The following MTUS2 variants were observed in gnomAD, a reference collection of about 807,000 sequenced individuals.
MTUS2 encodes microtubule-associated tumor suppressor candidate 2.
In MTUS2, 40 loss-of-function variants were observed where a neutral mutation model predicts 114.1. The observed-to-expected ratio is 0.35, with a 90% confidence interval of 0.27 to 0.46. The LOEUF is 0.46. MTUS2 is among the 20% of genes least tolerant of loss of function. The probability of loss-of-function intolerance (pLI) is 1.00; values close to 1 mark genes in which losing one functional copy is unlikely to be tolerated. For missense variants in MTUS2, 1,679 were observed against 1,705.4 expected (o/e 0.98, Z 0.27); for synonymous variants, 688 against 672.0 (o/e 1.02, Z -0.37).
chr13:29,113,944 G>T (rs1008712569), intron 5 of MTUS2, among the ~76,000 whole-genome samples: 2 of 152,094 alleles, frequency 1.3e-5, no homozygotes, highest in Non-Finnish European at 2.9e-5. Context: ...CCTTTGGTAT[G>T]TCCTTGTGAT....
intron 2 of MTUS2, among the ~76,000 whole-genome samples, chr13:28,889,505 AGG>A (rs1878790177): frequency 1.3e-5 from 2 of 152,186 alleles, no homozygotes; most frequent in Admixed American, 1.3e-4. Context: ...GTTGTGATGA[AGG>A]GGAAGTGTGC....
intron 2 of MTUS2, among the ~76,000 whole-genome samples, chr13:28,934,231 ATTAG>A (rs763308630): frequency 5.3e-5 from 8 of 152,216 alleles, no homozygotes; most frequent in Non-Finnish European, 8.8e-5. Flanking sequence ...GGAGATATTG[ATTAG>A]TTAAAGTTTA....
intron 5 of MTUS2, among the ~76,000 whole-genome samples, chr13:29,256,781 T>G (rs1325526915): frequency 6.6e-6 from 1 of 152,236 alleles, no homozygotes; most frequent in Non-Finnish European, 1.5e-5. Context: ...TGAACTTTCT[T>G]CATACCTCAT....
At chr13:28,962,860 C>G (rs752537924) in intron 2 of MTUS2, among the ~76,000 whole-genome samples, 2 of 152,158 alleles carry the variant, frequency 1.3e-5, no homozygotes, top group Admixed American at 1.3e-4. Context: ...CAGCCCTGAT[C>G]AGTGTCACTT....
intron 2 of MTUS2, among the ~76,000 whole-genome samples, chr13:29,003,734 C>A (rs983047260): frequency 6.6e-5 from 10 of 152,104 alleles, no homozygotes; most frequent in Non-Finnish European, 1.3e-4. Flanking sequence ...AAAGGAAGGC[C>A]ATGGATGATA....
chr13:28,859,150 G>A (rs954782298), intron 2 of MTUS2, among the ~76,000 whole-genome samples: 3 of 152,178 alleles, frequency 2.0e-5, no homozygotes, highest in African/African-American at 7.2e-5. Flanking sequence ...GGTGTTGCTA[G>A]CTGCATTTTA....
At chr13:29,286,975 A>ACTGCGCCTGGC (rs1898518388) in intron 6 of MTUS2, among the ~76,000 whole-genome samples, 1 of 152,196 alleles carries the variant, frequency 6.6e-6, no homozygotes, top group Non-Finnish European at 1.5e-5. Context: ...GGCATGAGCC[A>ACTGCGCCTGGC]CCAAGCCATG....
chr13:29,119,941 A>T (rs536357388), intron 5 of MTUS2, among the ~76,000 whole-genome samples: 153 of 152,360 alleles, frequency 1.0e-3, no homozygotes, highest in Non-Finnish European at 1.7e-3. Context: ...ACAAATCAGT[A>T]AAAAGAATAC....
intron 2 of MTUS2, among the ~76,000 whole-genome samples, chr13:28,911,107 C>A (rs535678400): frequency 3.0e-4 from 45 of 150,806 alleles, no homozygotes; most frequent in Non-Finnish European, 4.6e-4. Context: ...GATCTCCTGA[C>A]CCCGTGATCT....
At chr13:29,393,565 C>T (rs562951292) in intron 8 of MTUS2, among the ~76,000 whole-genome samples, 1 of 152,290 alleles carries the variant, frequency 6.6e-6, no homozygotes, top group African/African-American at 2.4e-5. Context: ...GCAGAAGCCA[C>T]ATGGGGAAAA....
intron 9 of MTUS2, among the ~76,000 whole-genome samples, chr13:29,475,730 C>T (rs192150190): frequency 3.9e-5 from 6 of 152,234 alleles, no homozygotes; most frequent in Admixed American, 3.9e-4. Context: ...CATGTTTGAA[C>T]AGCTTTACAG....
intron 1 of MTUS2, among the ~76,000 whole-genome samples, chr13:28,831,069 C>G (rs371835974): frequency 4.6e-5 from 7 of 151,964 alleles, no homozygotes; most frequent in Non-Finnish European, 7.4e-5. Context: ...AACACACATC[C>G]ACAGGAAGAA....
intron 1 of MTUS2, among the ~76,000 whole-genome samples, chr13:28,832,653 TATTAAA>T (rs1874774893): frequency 6.8e-6 from 1 of 148,070 alleles, no homozygotes; most frequent in African/African-American, 2.5e-5. Flanking sequence ...TATGACAATA[TATTAAA>T]ATTGTATATA....
intron 6 of MTUS2, among the ~76,000 whole-genome samples, chr13:29,286,639 G>T (rs1898491563): frequency 1.5e-5 from 2 of 131,770 alleles, no homozygotes; most frequent in Non-Finnish European, 3.3e-5. Context: ...TGAAAGCCAT[G>T]CACTATCTAT....
At chr13:29,494,254 A>G (rs1261354124) in intron 12 of MTUS2, among the ~76,000 whole-genome samples, 1 of 152,226 alleles carries the variant, frequency 6.6e-6, no homozygotes, top group Non-Finnish European at 1.5e-5. Flanking sequence ...CTATTGTAAT[A>G]ATAACAAGCA....
chr13:29,345,881 G>A (rs567240743), intron 7 of MTUS2, among the ~76,000 whole-genome samples: 26 of 152,226 alleles, frequency 1.7e-4, no homozygotes, highest in African/African-American at 6.0e-4. Context: ...CTTCCCCTAG[G>A]GGTGGGGCTT....
intron 4 of MTUS2, among the ~76,000 whole-genome samples, chr13:29,090,661 G>T (rs966867581): frequency 6.6e-6 from 1 of 152,252 alleles, no homozygotes; most frequent in Non-Finnish European, 1.5e-5. Context: ...GCATGGGTAG[G>T]CAGGGACTGC....
chr13:28,924,342 G>A lies in MTUS2; in HGVS notation c.-243+84492G>A, dbSNP rs138041155. 2.4e-3 allele frequency among the ~76,000 whole-genome samples: 369 copies of A among 152,256 alleles called. 1 individual carries two copies. The highest frequency in any genetic ancestry group is 2.7e-3 in the Non-Finnish European group (185 of 68,022). On this transcript the variant is annotated intron_variant, in intron 2 of 15. Coordinates refer to ENST00000612955, the MANE Select transcript of MTUS2 (RefSeq NM_001033602.4). ...AGTCTGTGCCGTTTTATTCAGAATT[G>A]TGTATTTGTTGCTGAGCTTTCATTA...
Position 29,342,597 on chromosome 13 carries a change from T to C in MTUS2, c.2906-16665T>C, listed in dbSNP as rs1459743458. ...GTTTTCTAGGTATACCATTATGTCA[T>C]TGGTGAACAGCGACAGTTTGACTTT... On this transcript the variant is annotated intron_variant, in intron 7 of 15. Transcript: ENST00000612955. Among the ~76,000 whole-genome samples, 4 of 152,244 alleles carry C rather than the reference T, an allele frequency of 2.6e-5. No homozygotes were observed. The East Asian group carries it at 5.8e-4, about 22-fold the overall frequency.
Sources: gnomAD v4.1 joint callset for allele counts (sites outside exome capture counted in the v4.1 genomes callset) on GRCh38, gnomAD v4.1.1 for gene constraint, MANE v1.5 for transcripts, NCBI Gene and HGNC (gene_info 2026-07-23, HGNC 2026-07-21) for gene names.